CWF19L2: variants seen among roughly 807,000 people sequenced by gnomAD.
CWF19L2 encodes the protein CWF19-like protein 2.
CWF19L2 carries 98 observed loss-of-function variants against 111.7 expected under a neutral mutation model. The ratio of observed to expected loss-of-function variants is 0.88; its 90% confidence interval spans 0.75 to 1.04. The LOEUF is 1.04. Ranked by LOEUF, CWF19L2 falls within the 50% of genes least tolerant of loss-of-function variation. The pLI is 0.00. For synonymous variants in CWF19L2, 351 were observed against 342.9 expected, an observed-to-expected ratio of 1.02 and a Z score of -0.26; for missense variants, 1,101 against 1,051.4, an observed-to-expected ratio of 1.05 and a Z score of -0.65.
At position 107,346,954 on chromosome 11, in the gene CWF19L2, C is replaced by A. The variant is rs1860089188; in HGVS notation, c.2202+1983G>T. On this transcript the variant is annotated intron_variant, in intron 14 of 17. Coordinates refer to ENST00000282251, the MANE Select transcript of CWF19L2 (RefSeq NM_152434.3). ...GCTATTTCCTAATGAAATGGCCCCA[C>A]ATATCACTCCACATTGAAGTTCACT... Among the ~76,000 whole-genome samples the A allele has an allele frequency of 1.3e-5, 2 of 152,186 alleles. 1 individual carries two copies. The highest frequency in any genetic ancestry group is 4.1e-4 in the South Asian group (2 of 4,822).
intron 14 of CWF19L2, 123 bp from the exon 15 acceptor site, chr11:107,336,836 TAAATA>T (rs1010415178): frequency 6.8e-6 from 4 of 585,304 alleles, no homozygotes; most frequent in African/African-American, 2.0e-5. Flanking sequence ...AAATGAAAAA[TAAATA>T]AAATAAACAG....
intron 10 of CWF19L2, among the ~76,000 whole-genome samples, chr11:107,411,089 G>GCACACACACACACACACACACA (rs146846176): frequency 5.4e-5 from 8 of 148,692 alleles, no homozygotes; most frequent in African/African-American, 1.7e-4. Context: ...GCGCGTGCGT[G>GCACACACACACACACACACACA]CACACACACA....
At chr11:107,374,738 T>A in intron 12 of CWF19L2, among the ~76,000 whole-genome samples, 2 of 136,404 alleles carry the variant, frequency 1.5e-5, no homozygotes, top group African/African-American at 5.6e-5. Context: ...CCAGCTAACA[T>A]CATAATGACA....
chr11:107,389,990 C>T (rs541037950), intron 12 of CWF19L2, 84 bp downstream of exon 12: 2 of 1,155,722 alleles, frequency 1.7e-6, no homozygotes, highest in South Asian at 1.4e-5. Flanking sequence ...TTAGAGAGAA[C>T]CAGATCTCTC....
Position 107,353,689 on chromosome 11 carries a change from A to G in CWF19L2, c.1920T>C (p.Phe640=), listed in dbSNP as rs35543671. The G allele has an allele frequency of 0.024, 38,214 of 1,613,746 alleles. 569 individuals are homozygous for G. The highest frequency in any genetic ancestry group is 0.029 in the Admixed American group (1,754 of 60,014). Residue 640 remains phenylalanine (F), a synonymous_variant, in exon 13 of 18, where the codon TTT becomes TTC. Transcript: ENST00000282251. ...DGDYYTLDDM[F]VSKAAERERL... is the part of the protein sequence containing the mutation. ...GTTCTCTCTCAGCTGCTTTGGAGAC[A>G]AACATGTCATCCAGGGTGTAATAGT...
At chr11:107,416,911 T>G (rs1861234378) in intron 9 of CWF19L2, among the ~76,000 whole-genome samples, 1 of 152,236 alleles carries the variant, frequency 6.6e-6, no homozygotes, top group African/African-American at 2.4e-5. Flanking sequence ...CTATTTTAAC[T>G]AATTCCTCTG....
chr11:107,359,926 G>C (rs904281889), intron 12 of CWF19L2, among the ~76,000 whole-genome samples: 1 of 152,218 alleles, frequency 6.6e-6, no homozygotes, highest in Admixed American at 6.5e-5. Flanking sequence ...AAATTGGATT[G>C]GACTACACAA....
intron 12 of CWF19L2, among the ~76,000 whole-genome samples, chr11:107,367,857 TG>T (rs1390171219): frequency 7.3e-6 from 1 of 137,338 alleles, no homozygotes; most frequent in Non-Finnish European, 1.6e-5. Context: ...TACTGATTTT[TG>T]TACACTGATT....
At chr11:107,407,284 T>C (rs1263092026) in intron 10 of CWF19L2, among the ~76,000 whole-genome samples, 1 of 152,124 alleles carries the variant, frequency 6.6e-6, no homozygotes, top group African/African-American at 2.4e-5. Context: ...TTTTAAAACA[T>C]GTACAAGGAT....
At chr11:107,344,454 T>G (rs1478788303) in intron 14 of CWF19L2, among the ~76,000 whole-genome samples, 1 of 152,256 alleles carries the variant, frequency 6.6e-6, no homozygotes, top group Non-Finnish European at 1.5e-5. Context: ...AACAATGTCT[T>G]GATTTTCTCC....
intron 10 of CWF19L2, among the ~76,000 whole-genome samples, chr11:107,399,669 A>C (rs1310425032): frequency 6.6e-6 from 1 of 152,232 alleles, no homozygotes; most frequent in Non-Finnish European, 1.5e-5. Context: ...CAAGACAGAA[A>C]GTCAACAAAG....
At chr11:107,399,179 C>T (rs1386817411) in intron 10 of CWF19L2, among the ~76,000 whole-genome samples, 2 of 152,050 alleles carry the variant, frequency 1.3e-5, no homozygotes, top group East Asian at 3.9e-4. Context: ...AGTACACAGG[C>T]AACAAAGAGC....
At chr11:107,416,176 G>T in intron 10 of CWF19L2, 33 bp downstream of exon 10, 1 of 687,612 alleles carries the variant, frequency 1.5e-6, no homozygotes, top group Non-Finnish European at 2.2e-6. Flanking sequence ...GTTTACACAA[G>T]GTAATTACAT....
chr11:107,392,970 A>C, intron 10 of CWF19L2, 75 bp from the exon 11 acceptor site: 3 of 959,814 alleles, frequency 3.1e-6, no homozygotes, highest in Non-Finnish European at 4.6e-6. Context: ...TAACAAAAAA[A>C]GCATTAAAAT....
intron 8 of CWF19L2, among the ~76,000 whole-genome samples, chr11:107,422,596 C>G (rs1385671225): frequency 6.6e-6 from 1 of 151,642 alleles, no homozygotes; most frequent in African/African-American, 2.4e-5. Flanking sequence ...TTTTTTTAAC[C>G]CTCAAAGGGA....
intron 3 of CWF19L2, among the ~76,000 whole-genome samples, chr11:107,452,338 G>A (rs1252394053): frequency 6.6e-6 from 1 of 150,952 alleles, no homozygotes; most frequent in Admixed American, 6.6e-5. Context: ...CATACTAGCT[G>A]TAAACACATT....
rs377178846 is a variant in CWF19L2 at position 107,379,842 on chromosome 11, G to A, written c.1872+10232C>T. Among the ~76,000 whole-genome samples the A allele has an allele frequency of 3.3e-5, 5 of 151,894 alleles. No homozygotes were observed. The East Asian group carries it at 5.8e-4, about 18-fold the overall frequency. On this transcript the variant is annotated intron_variant, in intron 12 of 17. Transcript: ENST00000282251. The stretch of plus-strand genomic sequence containing the variant: ...TGGGAGGCCGAGGCAGGTGGATCAC[G>A]AGCTCAGGAGATTGAGACCATCCTG...
chr11:107,368,642 G>A (rs187465095), intron 12 of CWF19L2, among the ~76,000 whole-genome samples: 3 of 137,902 alleles, frequency 2.2e-5, no homozygotes, highest in Non-Finnish European at 4.7e-5. Context: ...TACAACCTTG[G>A]TTAATGTAAA....
chr11:107,429,063 C>G lies in CWF19L2; in HGVS notation c.1169G>C (p.Ser390Thr). 1 of 1,613,790 alleles carries G rather than the reference C, an allele frequency of 6.2e-7. No homozygotes were observed. The highest frequency in any genetic ancestry group is 8.5e-7 in the Non-Finnish European group (1 of 1,179,794). ...CTGAGCTACCAATGCTGAAGATGAACTAAGTGGTTCAAATTTTCTGCCCTT... is the reference window on the plus strand; with the variant it reads ...CTGAGCTACCAATGCTGAAGATGAAGTAAGTGGTTCAAATTTTCTGCCCTT... The part of the protein sequence containing the change: ...HSKGRKFEPL[S>T]SSSALVAQGS... Residue 390 changes from serine to threonine, a missense_variant, in exon 8 of 18, where the codon AGT becomes ACT. Ser to Thr is a moderately conservative substitution (Grantham distance 58). Transcript: ENST00000282251.
Sources: gnomAD v4.1 joint callset for allele counts (sites outside exome capture counted in the v4.1 genomes callset) on GRCh38, gnomAD v4.1.1 for gene constraint, MANE v1.5 for transcripts, NCBI Gene and HGNC (gene_info 2026-07-23, HGNC 2026-07-21) for gene names.